Variants in ZC2HC1B observed in about 807,000 individuals in gnomAD.
The protein encoded by ZC2HC1B is zinc finger C2HC-type containing 1B, also known as zinc finger C2HC domain-containing protein 1B.
ZC2HC1B carries 36 observed loss-of-function variants against 31.0 expected under a neutral mutation model. The observed-to-expected ratio is 1.16, with a 90% confidence interval of 0.89 to 1.54. The LOEUF (loss-of-function observed/expected upper bound fraction) is 1.54. Ranked by LOEUF, ZC2HC1B falls within the 40% of genes most tolerant of loss-of-function variation. The pLI is 0.00. For missense variants in ZC2HC1B, 260 were observed against 268.6 expected, an observed-to-expected ratio of 0.97 and a Z score of 0.22; for synonymous variants, 73 against 88.0, an observed-to-expected ratio of 0.83 and a Z score of 0.95.
chr6:143,914,493 G>T (rs543189198), intron 6 of ZC2HC1B, among the ~76,000 whole-genome samples: 4 of 152,142 alleles, frequency 2.6e-5, no homozygotes, highest in Admixed American at 2.6e-4. Context: ...CCTAACATGT[G>T]GTTCATTCTG....
Position 143,899,568 on chromosome 6 carries a change from G to A in ZC2HC1B, c.489+877G>A, listed in dbSNP as rs763226288. Among the ~76,000 whole-genome samples, 4 of 152,116 alleles carry A rather than the reference G, an allele frequency of 2.6e-5. No individual in the cohort carries two copies. The highest frequency in any genetic ancestry group is 5.9e-5 in the Non-Finnish European group (4 of 68,020). On this transcript the variant is annotated intron_variant, in intron 5 of 7. Coordinates refer to ENST00000237275, the MANE Select transcript of ZC2HC1B (RefSeq NM_001013623.3). The surrounding 1 kb of genome is among the most constrained non-coding windows in gnomAD (Gnocchi z 5.0). ...TTTTTTGTATTTTTAGTAGAGATGGGGTCTCACTGTGTTGCTCAGGCTGGT... is the reference window on the plus strand; with the variant it reads ...TTTTTTGTATTTTTAGTAGAGATGGAGTCTCACTGTGTTGCTCAGGCTGGT...
At chr6:143,889,635 A>G (rs1325606432) in intron 4 of ZC2HC1B, among the ~76,000 whole-genome samples, 2 of 152,154 alleles carry the variant, frequency 1.3e-5, no homozygotes, top group African/African-American at 4.8e-5. Flanking sequence ...ATGTTTATGT[A>G]CCTAGTAACA....
intron 6 of ZC2HC1B, among the ~76,000 whole-genome samples, chr6:143,925,214 C>T (rs184926528): frequency 0.01 from 1,281 of 124,648 alleles, 17 homozygotes; most frequent in African/African-American, 0.037. Context: ...CTCACTCTGT[C>T]GCCCAGGCTG....
intron 1 of ZC2HC1B, among the ~76,000 whole-genome samples, chr6:143,875,320 A>ACCCTATATTTCCCCTAGGAGCCACAGTTC (rs1554236752): frequency 2.0e-5 from 3 of 151,364 alleles, no homozygotes; most frequent in Admixed American, 6.6e-5. Context: ...AGTAGGTCTA[A>ACCCTATATTTCCCCTAGGAGCCACAGTTC]AGTGACTAAT....
chr6:143,916,925 A>C (rs535585153), intron 6 of ZC2HC1B, among the ~76,000 whole-genome samples: 40 of 152,272 alleles, frequency 2.6e-4, no homozygotes, highest in Non-Finnish European at 4.7e-4. Context: ...GAAATGAGTT[A>C]AGACTTTGGG....
At chr6:143,914,790 CTAATA>C (rs1156527679) in intron 6 of ZC2HC1B, among the ~76,000 whole-genome samples, 2 of 152,002 alleles carry the variant, frequency 1.3e-5, no homozygotes, top group Non-Finnish European at 2.9e-5. Flanking sequence ...TTTATTTTGT[CTAATA>C]TTAGTGTGGC....
At chr6:143,926,894 T>C (rs1324176030) in intron 6 of ZC2HC1B, among the ~76,000 whole-genome samples, 1 of 129,908 alleles carries the variant, frequency 7.7e-6, no homozygotes, top group Non-Finnish European at 1.6e-5. Flanking sequence ...CGCTGCAAGC[T>C]CCGCTTCCCG....
At position 143,871,680 on chromosome 6, in the gene ZC2HC1B, C is replaced by A. The variant is rs1197404812; in HGVS notation, c.28+7113C>A. Among the ~76,000 whole-genome samples the A allele has an allele frequency of 6.6e-6, 1 of 152,214 alleles. No individual in the cohort carries two copies. Among genetic ancestry groups the A allele is most frequent in the Non-Finnish European group, 1.5e-5 (1 of 68,034 alleles). On this transcript the variant is annotated intron_variant, in intron 1 of 7. Coordinates refer to ENST00000237275, the MANE Select transcript of ZC2HC1B (RefSeq NM_001013623.3). The surrounding 1 kb of genome is among the most constrained non-coding windows in gnomAD (Gnocchi z 4.1). ...GTCTTTCAAGTCCTTGATGGTGGTA[C>A]TAATCGCCACAGTCTCTGCAGGGAT...
chr6:143,875,807 G>C (rs577962820), intron 1 of ZC2HC1B, among the ~76,000 whole-genome samples: 1 of 150,618 alleles, frequency 6.6e-6, no homozygotes, highest in South Asian at 2.2e-4. Context: ...GGCCATCACT[G>C]TTGCCTCAGG....
chr6:143,895,056 T>C lies in ZC2HC1B; in HGVS notation c.350-3496T>C, dbSNP rs1387008797. ...TTATGCAACAAACCAAATGATTATA[T>C]GCACTCCCAACATTTTCACCACGGT... is the stretch of plus-strand genomic sequence containing the variant. On this transcript the variant is annotated intron_variant, in intron 4 of 7. Coordinates refer to ENST00000237275, the MANE Select transcript of ZC2HC1B (RefSeq NM_001013623.3). The surrounding 1 kb of genome is among the most constrained non-coding windows in gnomAD (Gnocchi z 4.8). 6.6e-6 allele frequency among the ~76,000 whole-genome samples: 1 copy of C among 152,256 alleles called. No homozygotes were observed. Among genetic ancestry groups the C allele is most frequent in the African/African-American group, 2.4e-5 (1 of 41,470 alleles).
intron 6 of ZC2HC1B, among the ~76,000 whole-genome samples, chr6:143,906,373 A>T (rs1430583746): frequency 6.6e-6 from 1 of 151,954 alleles, no homozygotes; most frequent in East Asian, 1.9e-4. Context: ...TAGCATTGGT[A>T]GTCATATCTC....
Position 143,870,837 on chromosome 6 carries a change from T to C in ZC2HC1B, c.28+6270T>C, listed in dbSNP as rs2128493068. On this transcript the variant is annotated intron_variant, in intron 1 of 7. Transcript: ENST00000237275. This position sits in a 1 kb window ranked among gnomAD's most constrained non-coding sequence, Gnocchi z 4.7. ...CTGCCACTGACACCTCAAGTACCAT[T>C]GGATCTGCTGGGTCATATGGCCCAA... Among the ~76,000 whole-genome samples the C allele has an allele frequency of 6.6e-6, 1 of 152,282 alleles. No individual in the cohort carries two copies. Among genetic ancestry groups the C allele is most frequent in the Middle Eastern group, 3.4e-3 (1 of 294 alleles).
rs1778013740 is a variant in ZC2HC1B at position 143,924,524 on chromosome 6, G to A, written c.599-13125G>A. 6.6e-6 allele frequency among the ~76,000 whole-genome samples: 1 copy of A among 151,946 alleles called. No individual in the cohort carries two copies. Among genetic ancestry groups the A allele is most frequent in the Admixed American group, 6.6e-5 (1 of 15,258 alleles). On this transcript the variant is annotated intron_variant, in intron 6 of 7. Coordinates refer to ENST00000237275, the MANE Select transcript of ZC2HC1B (RefSeq NM_001013623.3). This position sits in a 1 kb window ranked among gnomAD's most constrained non-coding sequence, Gnocchi z 5.2. ...TGGCAAGGACTTCCAGTACTATGTT[G>A]AATAAAAGTGATGACCCTATCTCTA...
rs900197825 is a variant in ZC2HC1B, at chr6:143,883,792, G to T, written c.29-512G>T. On this transcript the variant is annotated intron_variant, in intron 1 of 7. Coordinates refer to ENST00000237275, the MANE Select transcript of ZC2HC1B (RefSeq NM_001013623.3). This position sits in a 1 kb window ranked among gnomAD's most constrained non-coding sequence, Gnocchi z 4.1. ...TATAGCCAATATCTATTTATCGAAT[G>T]AATGTTTCTATGTTAGAAATTCAAT... Among the ~76,000 whole-genome samples the T allele has an allele frequency of 2.0e-5, 3 of 152,120 alleles. No homozygotes were observed. Among genetic ancestry groups the T allele is most frequent in the African/African-American group, 4.8e-5 (2 of 41,420 alleles).
At chr6:143,914,616 T>C (rs956412032) in intron 6 of ZC2HC1B, among the ~76,000 whole-genome samples, 2 of 152,294 alleles carry the variant, frequency 1.3e-5, no homozygotes, top group Non-Finnish European at 2.9e-5. Flanking sequence ...TATTTTCTTA[T>C]GTATCTTTAT....
intron 6 of ZC2HC1B, among the ~76,000 whole-genome samples, chr6:143,910,854 G>C (rs1236354429): frequency 1.3e-5 from 2 of 152,148 alleles, no homozygotes; most frequent in Non-Finnish European, 2.9e-5. Flanking sequence ...CCTGGTTCAA[G>C]TGATTCTCCT....
Position 143,870,969 on chromosome 6 carries a change from T to A in ZC2HC1B, c.28+6402T>A, listed in dbSNP as rs892191957. ...CAGGTCACTTGATAAATGGGCCGGA[T>A]TAACACACCCACATGAGAAATGTGT... On this transcript the variant is annotated intron_variant, in intron 1 of 7. Coordinates refer to ENST00000237275, the MANE Select transcript of ZC2HC1B (RefSeq NM_001013623.3). This position sits in a 1 kb window ranked among gnomAD's most constrained non-coding sequence, Gnocchi z 4.7. Among the ~76,000 whole-genome samples, 6 of 152,004 alleles carry A rather than the reference T, an allele frequency of 3.9e-5. No individual in the cohort carries two copies. The highest frequency in any genetic ancestry group is 8.8e-5 in the Non-Finnish European group (6 of 68,014).
intron 1 of ZC2HC1B, among the ~76,000 whole-genome samples, chr6:143,867,573 A>G (rs1257736604): frequency 6.6e-6 from 1 of 152,230 alleles, no homozygotes; most frequent in Non-Finnish European, 1.5e-5. Flanking sequence ...ACCTCTCAAG[A>G]TCAATGCAGA....
chr6:143,898,482 T>C, intron 4 of ZC2HC1B, 70 bp from the exon 5 acceptor site: 1 of 1,496,860 alleles, frequency 6.7e-7, no homozygotes, highest in Non-Finnish European at 9.0e-7. Context: ...TAGTTCATTC[T>C]ATAATTCTAT....
Sources: allele counts gnomAD v4.1 joint callset (sites outside exome capture counted in the v4.1 genomes callset), GRCh38; gene constraint gnomAD v4.1.1; non-coding constraint Gnocchi (gnomAD v3.1); transcripts MANE v1.5; gene names NCBI Gene and HGNC (gene_info 2026-07-23, HGNC 2026-07-21).